CRTAC1: variants seen among roughly 807,000 people sequenced by gnomAD.
The protein encoded by CRTAC1 is cartilage acidic protein 1.
In CRTAC1, 37 loss-of-function variants were observed where a neutral mutation model predicts 67.8. The ratio of observed to expected loss-of-function variants is 0.55; its 90% CI spans 0.42 to 0.72. The LOEUF is 0.72. Among genes scored for constraint, CRTAC1 ranks in the 30% least tolerant of loss-of-function variants. CRTAC1 has a pLI of 0.00. For missense variants in CRTAC1, 780 were observed against 931.6 expected, an observed-to-expected ratio of 0.84 and a Z score of 2.12; for synonymous variants, 348 against 371.0, an observed-to-expected ratio of 0.94 and a Z score of 0.71.
intron 11 of CRTAC1, among the ~76,000 whole-genome samples, chr10:97,893,795 C>T (rs1046635759): frequency 6.6e-6 from 1 of 152,204 alleles, no homozygotes; most frequent in East Asian, 1.9e-4. Flanking sequence ...ATCTGTTTTC[C>T]GTCTTTATAA....
chr10:97,978,749 A>T (rs2051846115), intron 2 of CRTAC1, among the ~76,000 whole-genome samples: 1 of 152,040 alleles, frequency 6.6e-6, no homozygotes, highest in Admixed American at 6.5e-5. Context: ...GTCCAAAGCT[A>T]TGGTCTCTGT....
At chr10:97,953,153 C>T (rs569762857) in intron 2 of CRTAC1, among the ~76,000 whole-genome samples, 1 of 152,276 alleles carries the variant, frequency 6.6e-6, no homozygotes, top group East Asian at 1.9e-4. Context: ...GACCAGTTGG[C>T]CCATTCCTCT....
chr10:97,963,834 G>A (rs986857964), intron 2 of CRTAC1, among the ~76,000 whole-genome samples: 3 of 152,152 alleles, frequency 2.0e-5, no homozygotes, highest in African/African-American at 4.8e-5. Flanking sequence ...GATGTAGGTC[G>A]TTGCCTTTTA....
intron 11 of CRTAC1, among the ~76,000 whole-genome samples, chr10:97,885,164 G>A (rs975538779): frequency 6.6e-6 from 1 of 152,176 alleles, no homozygotes; most frequent in Non-Finnish European, 1.5e-5. Context: ...GTCAGGGACA[G>A]CCTCTTAGGG....
chr10:97,993,230 A>G (rs902374879), intron 2 of CRTAC1, among the ~76,000 whole-genome samples: 12 of 152,200 alleles, frequency 7.9e-5, no homozygotes, highest in African/African-American at 2.9e-4. Flanking sequence ...TTGCGGTTTA[A>G]TGAAAGGGAA....
chr10:98,001,462 A>G (rs1381038251), intron 2 of CRTAC1, among the ~76,000 whole-genome samples: 3 of 152,152 alleles, frequency 2.0e-5, no homozygotes, highest in Admixed American at 2.0e-4. Context: ...CCATGATATT[A>G]CGTGTCTCTA....
At chr10:98,008,362 C>T (rs554135310) in intron 2 of CRTAC1, among the ~76,000 whole-genome samples, 4 of 151,476 alleles carry the variant, frequency 2.6e-5, no homozygotes, top group African/African-American at 9.7e-5. Context: ...TGTGCTTGGC[C>T]CTTCGCACCC....
intron 2 of CRTAC1, among the ~76,000 whole-genome samples, chr10:98,006,642 T>C (rs761662826): frequency 6.6e-6 from 1 of 152,076 alleles, no homozygotes; most frequent in South Asian, 2.1e-4. Context: ...AACAAACCTA[T>C]TCAAAGAGTA....
Position 97,936,315 on chromosome 10 carries a change from C to A in CRTAC1, c.276G>T (p.Leu92=), listed in dbSNP as rs146717924. The A allele has an allele frequency of 1.8e-4, 292 of 1,613,500 alleles. 1 individual carries two copies. The highest frequency in any genetic ancestry group is 3.3e-4 in the Admixed American group (20 of 59,992). Residue 92 remains leucine (L), a synonymous_variant, in exon 3 of 15, where the codon CTG becomes CTT. Transcript: ENST00000370597. ...TGCGCTCATCGACCGCGATGTTCAC[C>A]AGCCGCTTCTGGGCCCGGTCATACT... ...VLKYDRAQKR[L]VNIAVDERSS...
chr10:97,865,815 G>T, intron 14 of CRTAC1, 101 bp from the exon 15 acceptor site: 1 of 688,824 alleles, frequency 1.5e-6, no homozygotes, highest in Non-Finnish European at 2.2e-6. Flanking sequence ...TCACCCTGCT[G>T]CCCGGGGTGG....
chr10:98,029,783 C>T lies in CRTAC1; in HGVS notation c.24+666G>A, dbSNP rs557985861. ...AAGCCTCCAAGTGCCCCCACGGGGT[C>T]GAGGAGGACTCAGGGTTCCCCTGGA... is the stretch of plus-strand genomic sequence containing the variant. On this transcript the variant is annotated intron_variant, in intron 1 of 14. Transcript: ENST00000370597. The surrounding 1 kb of genome is among the most constrained non-coding windows in gnomAD (Gnocchi z 4.7). Among the ~76,000 whole-genome samples, 4 of 152,296 alleles carry T rather than the reference C, an allele frequency of 2.6e-5. No individual in the cohort carries two copies. The highest frequency in any genetic ancestry group is 2.6e-4 in the Admixed American group (4 of 15,304).
intron 5 of CRTAC1, among the ~76,000 whole-genome samples, chr10:97,909,858 A>G (rs891878965): frequency 3.3e-5 from 5 of 152,252 alleles, no homozygotes; most frequent in African/African-American, 1.2e-4. Context: ...TATATACATA[A>G]TAGAGTATTA....
chr10:97,947,957 C>T (rs1590230262), intron 2 of CRTAC1, among the ~76,000 whole-genome samples: 1 of 152,014 alleles, frequency 6.6e-6, no homozygotes, highest in South Asian at 2.1e-4. Context: ...TAGGGGGCTA[C>T]TGAAGGATTC....
chr10:97,913,539 T>G (rs1346538837), intron 5 of CRTAC1, among the ~76,000 whole-genome samples: 1 of 152,142 alleles, frequency 6.6e-6, no homozygotes, highest in African/African-American at 2.4e-5. Context: ...TTGAGAAAAA[T>G]GCACACAAAA....
At chr10:97,889,826 G>A (rs79051835) in intron 11 of CRTAC1, among the ~76,000 whole-genome samples, 2,941 of 152,266 alleles carry the variant, frequency 0.019, 93 homozygotes, top group African/African-American at 0.066. Context: ...AGCCTTGTGA[G>A]TGCTGGCAGG....
chr10:97,898,956 T>C (rs2050497663), intron 8 of CRTAC1, among the ~76,000 whole-genome samples: 1 of 152,158 alleles, frequency 6.6e-6, no homozygotes, highest in Non-Finnish European at 1.5e-5. Context: ...TAAGTGACTG[T>C]TTGGGTGCTG....
Position 97,896,957 on chromosome 10 carries a change from C to T in CRTAC1, c.1168G>A (p.Glu390Lys), listed in dbSNP as rs143562349. 13 of 1,560,718 alleles carry T rather than the reference C, an allele frequency of 8.3e-6. No individual in the cohort carries two copies. The highest frequency in any genetic ancestry group is 4.1e-5 in the African/African-American group (3 of 73,750). The change falls in exon 9 of 15, where the codon GAG becomes AAG. Residue 390 changes from glutamate (E) to lysine (K), a missense_variant. Physicochemically the swap from Glu to Lys is moderately conservative, Grantham distance 56. Transcript: ENST00000370597. ...AAGGCGTCGCCGGGATTGAGCTCCT[C>T]GATGAGGGGGTCTCCGTGCTCTCTA... Reference protein sequence around the residue: ...IRREHGDPLIEELNPGDALEP... With the variant: ...IRREHGDPLIKELNPGDALEP...
At chr10:98,016,651 T>G (rs143045434) in intron 1 of CRTAC1, among the ~76,000 whole-genome samples, 2 of 152,258 alleles carry the variant, frequency 1.3e-5, no homozygotes, top group Non-Finnish European at 2.9e-5. Flanking sequence ...TTACCCAGTT[T>G]CTGATTGAAC....
At chr10:97,990,813 A>C (rs1842433243) in intron 2 of CRTAC1, among the ~76,000 whole-genome samples, 1 of 152,194 alleles carries the variant, frequency 6.6e-6, no homozygotes, top group Admixed American at 6.5e-5. Context: ...TAGGGAAAAT[A>C]AACTTTCTCC....
Sources: allele counts gnomAD v4.1 joint callset (sites outside exome capture counted in the v4.1 genomes callset), GRCh38; gene constraint gnomAD v4.1.1; non-coding constraint Gnocchi (gnomAD v3.1); transcripts MANE v1.5; gene names NCBI Gene and HGNC (gene_info 2026-07-23, HGNC 2026-07-21).